The following MACROD2 variants were observed in gnomAD, a reference collection of about 807,000 sequenced individuals.
MACROD2 encodes the protein mono-ADP ribosylhydrolase 2.
In MACROD2, 36 loss-of-function variants were observed where a neutral mutation model predicts 70.4. The observed-to-expected ratio is 0.51, with a 90% CI of 0.39 to 0.68. MACROD2 has a LOEUF of 0.68. MACROD2 is among the 30% of genes least tolerant of loss of function. The probability of loss-of-function intolerance (pLI) is 0.00; values close to 1 mark genes in which losing one functional copy is unlikely to be tolerated. For missense variants in MACROD2, 496 were observed against 538.4 expected, an observed-to-expected ratio of 0.92 and a Z score of 0.78; for synonymous variants, 172 against 178.8, an observed-to-expected ratio of 0.96 and a Z score of 0.30.
intron 3 of MACROD2, among the ~76,000 whole-genome samples, chr20:14,214,815 C>G (rs1219773862): frequency 2.0e-5 from 3 of 151,904 alleles, no homozygotes; most frequent in Non-Finnish European, 2.9e-5. Flanking sequence ...TTTGTGTCCT[C>G]ATAGCTTAGC....
At position 14,486,903 on chromosome 20, in the gene MACROD2, T is replaced by C. The variant is rs542076934; in HGVS notation, c.272-6576T>C. ...ATGCAAAATATTGATATCCATTTAC[T>C]TTATGGGCTTACATAATTATTTTTT... On this transcript the variant is annotated intron_variant, in intron 3 of 17. Transcript: ENST00000684519. 2.0e-5 allele frequency among the ~76,000 whole-genome samples: 3 copies of C among 152,208 alleles called. No individual in the cohort carries two copies. In the East Asian group the frequency reaches 5.8e-4, roughly 29 times the overall value.
chr20:15,651,848 G>C (rs1484849741), intron 8 of MACROD2, among the ~76,000 whole-genome samples: 1 of 151,916 alleles, frequency 6.6e-6, no homozygotes, highest in East Asian at 1.9e-4. Flanking sequence ...TTTCATAAAT[G>C]GTTATGGGAA....
At chr20:15,358,592 T>C (rs1031528244) in intron 6 of MACROD2, among the ~76,000 whole-genome samples, 9 of 152,224 alleles carry the variant, frequency 5.9e-5, no homozygotes, top group African/African-American at 1.7e-4. Context: ...ATATATATTC[T>C]TCTGCAAGAG....
At chr20:14,395,164 T>A (rs182175642) in intron 3 of MACROD2, among the ~76,000 whole-genome samples, 21 of 152,246 alleles carry the variant, frequency 1.4e-4, no homozygotes, top group Admixed American at 6.5e-4. Flanking sequence ...TTGGTATTAT[T>A]TTCTCTTAAA....
At chr20:15,370,221 C>T (rs1164527937) in intron 6 of MACROD2, among the ~76,000 whole-genome samples, 1 of 152,036 alleles carries the variant, frequency 6.6e-6, no homozygotes, top group Non-Finnish European at 1.5e-5. Flanking sequence ...TTTTGTTCAT[C>T]CTTCACTAGT....
At chr20:15,570,348 G>A (rs1253860454) in intron 8 of MACROD2, among the ~76,000 whole-genome samples, 2 of 152,140 alleles carry the variant, frequency 1.3e-5, no homozygotes, top group Non-Finnish European at 2.9e-5. Context: ...CTTTGAAATA[G>A]TTTTAACCAG....
chr20:15,262,691 A>G (rs2077259745), intron 6 of MACROD2, among the ~76,000 whole-genome samples: 1 of 152,094 alleles, frequency 6.6e-6, no homozygotes, highest in African/African-American at 2.4e-5. Flanking sequence ...CCTTTTCTCC[A>G]CATCCTTTCC....
chr20:15,854,340 G>T (rs1322381059), intron 8 of MACROD2, among the ~76,000 whole-genome samples: 2 of 152,176 alleles, frequency 1.3e-5, no homozygotes, highest in African/African-American at 4.8e-5. Flanking sequence ...GCAAGGAAAT[G>T]CAGGTGGCCT....
At chr20:14,325,568 A>G in intron 3 of MACROD2, 2 of 1,609,950 alleles carry the variant, frequency 1.2e-6, no homozygotes, top group Non-Finnish European at 1.7e-6. Context: ...CATGAGTGTG[A>G]GTGATCTGAG....
chr20:14,151,799 GTTGTA>G (rs1048599973), intron 3 of MACROD2, among the ~76,000 whole-genome samples: 3 of 116,414 alleles, frequency 2.6e-5, no homozygotes, highest in Admixed American at 8.8e-5. Context: ...AATTGGCCTT[GTTGTA>G]TTGTATCTTT....
At chr20:14,046,932 G>A (rs1569133266) in intron 2 of MACROD2, among the ~76,000 whole-genome samples, 1 of 151,806 alleles carries the variant, frequency 6.6e-6, no homozygotes, top group African/African-American at 2.4e-5. Flanking sequence ...ATGGAAAATG[G>A]GTAAATAAAC....
intron 3 of MACROD2, chr20:14,352,531 A>G (rs1360720890): frequency 6.6e-6 from 1 of 152,178 alleles, no homozygotes; most frequent in African/African-American, 2.4e-5. Context: ...ACACTCTTTT[A>G]ATGAATTTGC....
At position 14,862,716 on chromosome 20, in the gene MACROD2, T is replaced by TATATATA. The variant is rs1491170483; in HGVS notation, c.418+177757_418+177758insATATATA. ...ATATATATAAATATATATATATATATTTTTTTTTAATAGAGAGGATGAAGA... is the reference window on the plus strand; with the variant it reads ...ATATATATAAATATATATATATATATATATATATTTTTTTTAATAGAGAGGATGAAGA... On this transcript the variant is annotated intron_variant, in intron 5 of 17. Transcript: ENST00000684519. Among the ~76,000 whole-genome samples, 5 of 88,864 alleles carry TATATATA rather than the reference T, an allele frequency of 5.6e-5. 2 individuals are homozygous for TATATATA. Among genetic ancestry groups the TATATATA allele is most frequent in the African/African-American group, 3.0e-4 (5 of 16,532 alleles). The allele number at this position is 88,864 out of a possible 152,430, so 58.3% of individuals were successfully genotyped here.
intron 3 of MACROD2, among the ~76,000 whole-genome samples, chr20:14,454,777 G>T (rs1250876861): frequency 7.7e-6 from 1 of 129,546 alleles, no homozygotes; most frequent in Non-Finnish European, 1.6e-5. Context: ...TTTTGAGACG[G>T]AGTCTTGCTC....
chr20:14,172,409 A>G (rs773428034), intron 3 of MACROD2, among the ~76,000 whole-genome samples: 5 of 150,606 alleles, frequency 3.3e-5, no homozygotes, highest in Non-Finnish European at 7.4e-5. Flanking sequence ...GGTTTAAGCA[A>G]TTCTCCTGCC....
intron 5 of MACROD2, among the ~76,000 whole-genome samples, chr20:14,987,166 GC>G (rs1322358408): frequency 6.6e-6 from 1 of 152,074 alleles, no homozygotes; most frequent in Non-Finnish European, 1.5e-5. Flanking sequence ...CCTAGTAGTA[GC>G]AGTATTTCTA....
chr20:14,141,747 G>GAAAAAA (rs3043659), intron 3 of MACROD2, among the ~76,000 whole-genome samples: 1 of 66,830 alleles, frequency 1.5e-5, no homozygotes, highest in African/African-American at 6.1e-5. Flanking sequence ...CTCCATCTCA[G>GAAAAAA]AAAAAAAAAA....
At chr20:15,558,187 A>G (rs552543400) in intron 8 of MACROD2, among the ~76,000 whole-genome samples, 6 of 152,320 alleles carry the variant, frequency 3.9e-5, no homozygotes, top group Non-Finnish European at 7.4e-5. Flanking sequence ...CTGCCCGTGT[A>G]CTTTGGCTCT....
chr20:14,695,458 C>G (rs922474243), intron 5 of MACROD2, among the ~76,000 whole-genome samples: 1 of 152,180 alleles, frequency 6.6e-6, no homozygotes, highest in African/African-American at 2.4e-5. Flanking sequence ...CTTTTCCAAA[C>G]AAGTTCACAT....
Sources: gnomAD v4.1 joint callset for allele counts (sites outside exome capture counted in the v4.1 genomes callset) on GRCh38, gnomAD v4.1.1 for gene constraint, MANE v1.5 for transcripts, NCBI Gene and HGNC (gene_info 2026-07-23, HGNC 2026-07-21) for gene names.